The following NSMCE2 variants were observed in gnomAD, a reference collection of about 807,000 sequenced individuals.
The protein encoded by NSMCE2 is NSE2 SUMO ligase component of SMC5/6 complex, also known as E3 SUMO-protein ligase NSE2.
Under a neutral mutation model 23.8 loss-of-function variants are expected in NSMCE2, and 24 were observed. The ratio of observed to expected loss-of-function variants is 1.01; its 90% CI spans 0.73 to 1.42. NSMCE2 has a LOEUF of 1.42. NSMCE2 is among the 40% of genes most tolerant of loss of function. The pLI is 0.00. For missense variants in NSMCE2, 284 were observed against 296.5 expected (o/e 0.96, Z 0.31); for synonymous variants, 92 against 94.1 (o/e 0.98, Z 0.13).
chr8:125,286,370 T>C (rs1827900553), intron 5 of NSMCE2, among the ~76,000 whole-genome samples: 1 of 150,630 alleles, frequency 6.6e-6, no homozygotes, highest in Non-Finnish European at 1.5e-5. Flanking sequence ...TGGAGTGCAA[T>C]GGTGCAGTCT....
rs112455547 is a variant in NSMCE2, at chr8:125,168,708, C to G, written c.265-13395C>G. Among the ~76,000 whole-genome samples the G allele has an allele frequency of 3.0e-3, 456 of 152,328 alleles. 2 individuals are homozygous for G. The highest frequency in any genetic ancestry group is 0.01 in the African/African-American group (430 of 41,562). The stretch of plus-strand genomic sequence containing the variant: ...TTCCCAGAGGCCTCACCTCCTAATA[C>G]CATCACCTTAAGGGTTAGGATTTCA... On this transcript the variant is annotated intron_variant, in intron 4 of 7. Transcript: ENST00000287437.
chr8:125,096,502 G>A (rs1817937901), intron 1 of NSMCE2, among the ~76,000 whole-genome samples: 1 of 150,012 alleles, frequency 6.7e-6, no homozygotes, highest in Non-Finnish European at 1.5e-5. Flanking sequence ...TGATTGCCAT[G>A]GAAAGCTTTA....
At chr8:125,335,718 G>C (rs1830047381) in intron 5 of NSMCE2, among the ~76,000 whole-genome samples, 1 of 152,216 alleles carries the variant, frequency 6.6e-6, no homozygotes. Flanking sequence ...CATTGACATG[G>C]TGACGTGACC....
chr8:125,163,777 T>C (rs1821741347), intron 4 of NSMCE2, among the ~76,000 whole-genome samples: 1 of 152,214 alleles, frequency 6.6e-6, no homozygotes, highest in Admixed American at 6.5e-5. Flanking sequence ...GGAGGAAAGA[T>C]ACATTCCCAG....
At chr8:125,096,557 G>GAA (rs907401280) in intron 1 of NSMCE2, among the ~76,000 whole-genome samples, 2 of 144,524 alleles carry the variant, frequency 1.4e-5, no homozygotes, top group African/African-American at 2.6e-5. Flanking sequence ...TTTTTTTGGA[G>GAA]AAAATAACTG....
At chr8:125,281,099 TAG>T (rs1483223095) in intron 5 of NSMCE2, among the ~76,000 whole-genome samples, 1 of 152,228 alleles carries the variant, frequency 6.6e-6, no homozygotes, top group Non-Finnish European at 1.5e-5. Flanking sequence ...CCGATTAAGA[TAG>T]CTTTAAAGCG....
intron 5 of NSMCE2, among the ~76,000 whole-genome samples, chr8:125,279,077 A>G (rs544981493): frequency 2.3e-3 from 346 of 152,352 alleles, no homozygotes; most frequent in African/African-American, 7.9e-3. Context: ...GTTATCTGCC[A>G]TCTCCAAAAG....
intron 5 of NSMCE2, among the ~76,000 whole-genome samples, chr8:125,276,121 C>T (rs1050489494): frequency 5.3e-5 from 8 of 152,190 alleles, no homozygotes; most frequent in Admixed American, 5.2e-4. Context: ...TTTACAAAGA[C>T]AGGATACTCA....
intron 7 of NSMCE2, among the ~76,000 whole-genome samples, chr8:125,360,181 G>A (rs2129637900): frequency 6.6e-6 from 1 of 152,276 alleles, no homozygotes; most frequent in Non-Finnish European, 1.5e-5. Context: ...TTGGAGGATT[G>A]TGATAGACTC....
chr8:125,164,691 A>G (rs961676445), intron 4 of NSMCE2, among the ~76,000 whole-genome samples: 3 of 152,196 alleles, frequency 2.0e-5, no homozygotes, highest in African/African-American at 7.2e-5. Context: ...TTTGTGTTAT[A>G]TTTTTGAAGT....
chr8:125,145,406 A>G (rs1820621115), intron 3 of NSMCE2, among the ~76,000 whole-genome samples: 1 of 152,128 alleles, frequency 6.6e-6, no homozygotes, highest in South Asian at 2.1e-4. Context: ...GGGGATAGCT[A>G]GTTATTGTAC....
chr8:125,332,381 T>A (rs1829912436), intron 5 of NSMCE2, among the ~76,000 whole-genome samples: 1 of 152,160 alleles, frequency 6.6e-6, no homozygotes, highest in East Asian at 1.9e-4. Context: ...TATTGTATGG[T>A]TTATGGAGTG....
At chr8:125,211,989 T>A (rs1471624457) in intron 5 of NSMCE2, among the ~76,000 whole-genome samples, 1 of 152,240 alleles carries the variant, frequency 6.6e-6, no homozygotes, top group Non-Finnish European at 1.5e-5. Context: ...CCTCATTTAC[T>A]TACATGTCAT....
intron 5 of NSMCE2, among the ~76,000 whole-genome samples, chr8:125,252,431 CA>C (rs1289389028): frequency 3.4e-4 from 51 of 152,140 alleles, no homozygotes; most frequent in Non-Finnish European, 4.4e-5. Context: ...GGAGGCGAGA[CA>C]GGAGAATGGC....
At chr8:125,237,231 G>A (rs1453462116) in intron 5 of NSMCE2, among the ~76,000 whole-genome samples, 1 of 152,158 alleles carries the variant, frequency 6.6e-6, no homozygotes. Flanking sequence ...AATAGATTAA[G>A]GTCAAGAGAG....
At chr8:125,286,002 C>T (rs1271718740) in intron 5 of NSMCE2, among the ~76,000 whole-genome samples, 1 of 151,814 alleles carries the variant, frequency 6.6e-6, no homozygotes, top group Non-Finnish European at 1.5e-5. Context: ...TTACAGCCTC[C>T]ATTGCCACAC....
intron 5 of NSMCE2, among the ~76,000 whole-genome samples, chr8:125,262,896 G>T (rs1826755717): frequency 6.7e-6 from 1 of 148,280 alleles, no homozygotes; most frequent in African/African-American, 2.5e-5. Context: ...TTGTAAATGT[G>T]GCAGTGGTTT....
chr8:125,217,369 T>A (rs1824640317), intron 5 of NSMCE2, among the ~76,000 whole-genome samples: 1 of 151,980 alleles, frequency 6.6e-6, no homozygotes, highest in African/African-American at 2.4e-5. Flanking sequence ...ATTTTTTATT[T>A]ATTTATTTTG....
chr8:125,326,312 A>G (rs993946859), intron 5 of NSMCE2, among the ~76,000 whole-genome samples: 3 of 152,208 alleles, frequency 2.0e-5, no homozygotes, highest in Admixed American at 6.5e-5. Flanking sequence ...GTATGTGTCA[A>G]TAGGAAATGA....
Sources: gnomAD v4.1 joint callset for allele counts (sites outside exome capture counted in the v4.1 genomes callset) on GRCh38, gnomAD v4.1.1 for gene constraint, MANE v1.5 for transcripts, NCBI Gene and HGNC (gene_info 2026-07-23, HGNC 2026-07-21) for gene names.